The following NKAIN2 variants were observed in gnomAD, a reference collection of about 807,000 sequenced individuals.
NKAIN2 encodes the protein sodium/potassium transporting ATPase interacting 2.
Under a neutral mutation model 32.6 loss-of-function variants are expected in NKAIN2, and 14 were observed. That is an observed-to-expected ratio of 0.43 (90% CI 0.28 to 0.67). NKAIN2 has a LOEUF of 0.67. Among genes scored for constraint, NKAIN2 ranks in the 30% least tolerant of loss-of-function variants. The probability of loss-of-function intolerance (pLI) is 0.17; values close to 1 mark genes in which losing one functional copy is unlikely to be tolerated. For missense variants in NKAIN2, 198 were observed against 258.3 expected (o/e 0.77, Z 1.60); for synonymous variants, 80 against 87.2 (o/e 0.92, Z 0.46).
chr6:124,591,279 C>A (rs1414672487), intron 3 of NKAIN2, among the ~76,000 whole-genome samples: 1 of 152,128 alleles, frequency 6.6e-6, no homozygotes, highest in African/African-American at 2.4e-5. Flanking sequence ...ACAAGAAATT[C>A]TTGGGAGAAA....
At chr6:124,335,648 T>C (rs2115064095) in intron 2 of NKAIN2, among the ~76,000 whole-genome samples, 1 of 152,314 alleles carries the variant, frequency 6.6e-6, no homozygotes, top group South Asian at 2.1e-4. Flanking sequence ...TAGTAAATGA[T>C]AATTATATAA....
chr6:124,399,061 G>A (rs1362016107), intron 3 of NKAIN2, among the ~76,000 whole-genome samples: 3 of 151,834 alleles, frequency 2.0e-5, no homozygotes, highest in Admixed American at 2.0e-4. Flanking sequence ...TGAGTAGCTG[G>A]GATTACAGGC....
chr6:124,671,306 C>T (rs960692401), intron 4 of NKAIN2, among the ~76,000 whole-genome samples: 1 of 152,096 alleles, frequency 6.6e-6, no homozygotes, highest in African/African-American at 2.4e-5. Context: ...GAGGTTATAA[C>T]GTTAACTGAG....
At chr6:123,955,062 T>A (rs1018825848) in intron 1 of NKAIN2, among the ~76,000 whole-genome samples, 1 of 151,712 alleles carries the variant, frequency 6.6e-6, no homozygotes, top group East Asian at 1.9e-4. Context: ...GAGAGATAAC[T>A]AGATAGAGGT....
chr6:124,801,916 C>T (rs111772363), intron 5 of NKAIN2, among the ~76,000 whole-genome samples: 7,684 of 152,140 alleles, frequency 0.051, 232 homozygotes, highest in South Asian at 0.1. Flanking sequence ...AAAGGTACAC[C>T]GTAAGTCACA....
chr6:124,321,677 T>C (rs1797198256), intron 2 of NKAIN2, among the ~76,000 whole-genome samples: 2 of 152,250 alleles, frequency 1.3e-5, no homozygotes, highest in Middle Eastern at 3.4e-3. Flanking sequence ...CATATTGCTT[T>C]CATACTATAA....
intron 1 of NKAIN2, among the ~76,000 whole-genome samples, chr6:123,894,849 T>C (rs1038158522): frequency 2.0e-5 from 3 of 152,034 alleles, no homozygotes; most frequent in African/African-American, 7.2e-5. Flanking sequence ...CTCAGCACAC[T>C]ACACAAGGGG....
chr6:124,434,214 C>T (rs1775341758), intron 3 of NKAIN2, among the ~76,000 whole-genome samples: 1 of 152,158 alleles, frequency 6.6e-6, no homozygotes. Context: ...AAAAACATAA[C>T]TGTAAATTCT....
chr6:124,804,685 C>T (rs376815577), intron 5 of NKAIN2, among the ~76,000 whole-genome samples: 7 of 152,312 alleles, frequency 4.6e-5, no homozygotes, highest in South Asian at 2.1e-4. Flanking sequence ...CGAAGCAGGG[C>T]GAGGCATTGC....
intron 3 of NKAIN2, among the ~76,000 whole-genome samples, chr6:124,447,153 GT>G (rs1168562139): frequency 2.6e-5 from 4 of 152,044 alleles, no homozygotes; most frequent in African/African-American, 7.2e-5. Context: ...AATCACTCAT[GT>G]TTGACGTATT....
intron 3 of NKAIN2, among the ~76,000 whole-genome samples, chr6:124,487,594 T>C (rs182937799): frequency 2.6e-5 from 4 of 152,284 alleles, no homozygotes; most frequent in Admixed American, 2.0e-4. Flanking sequence ...CACTCACAGC[T>C]GTAATTGTTA....
intron 1 of NKAIN2, among the ~76,000 whole-genome samples, chr6:123,953,099 G>T (rs541495202): frequency 1.3e-5 from 2 of 152,234 alleles, no homozygotes; most frequent in South Asian, 4.2e-4. Flanking sequence ...TTGATTCTGG[G>T]TGCATGCAGT....
chr6:124,203,100 G>A (rs531453575), intron 1 of NKAIN2, among the ~76,000 whole-genome samples: 39 of 151,854 alleles, frequency 2.6e-4, no homozygotes, highest in Non-Finnish European at 4.6e-4. Flanking sequence ...TGCTCAATCT[G>A]TCTGTTTTGT....
At chr6:124,191,391 ATTAAT>A (rs1214993870) in intron 1 of NKAIN2, among the ~76,000 whole-genome samples, 3 of 151,922 alleles carry the variant, frequency 2.0e-5, no homozygotes, top group Admixed American at 6.5e-5. Flanking sequence ...AATATTATTT[ATTAAT>A]TTAATTTAAA....
chr6:124,730,836 T>C (rs2114662547), intron 4 of NKAIN2, among the ~76,000 whole-genome samples: 1 of 150,042 alleles, frequency 6.7e-6, no homozygotes, highest in South Asian at 2.1e-4. Context: ...ATATCCAGAA[T>C]CTACAATGGA....
At chr6:124,075,795 C>T (rs1242344407) in intron 1 of NKAIN2, among the ~76,000 whole-genome samples, 1 of 152,096 alleles carries the variant, frequency 6.6e-6, no homozygotes, top group East Asian at 1.9e-4. Flanking sequence ...CAAGTTTCCC[C>T]ATGTTGGCCA....
intron 1 of NKAIN2, among the ~76,000 whole-genome samples, chr6:124,067,244 T>G (rs1396277490): frequency 2.0e-5 from 3 of 152,156 alleles, no homozygotes; most frequent in African/African-American, 7.2e-5. Context: ...AACATTATGT[T>G]TGAATCACAT....
intron 1 of NKAIN2, among the ~76,000 whole-genome samples, chr6:123,940,367 T>C (rs1776759086): frequency 6.7e-6 from 1 of 148,798 alleles, no homozygotes; most frequent in Non-Finnish European, 1.5e-5. Context: ...TATGTGTGTA[T>C]ATGTATATAT....
At chr6:123,819,962 G>A (rs1353146640) in intron 1 of NKAIN2, among the ~76,000 whole-genome samples, 1 of 152,052 alleles carries the variant, frequency 6.6e-6, no homozygotes, top group East Asian at 1.9e-4. Flanking sequence ...TATTTTAGAT[G>A]GTAACCTGAC....
Sources: gnomAD v4.1 joint callset for allele counts (sites outside exome capture counted in the v4.1 genomes callset) on GRCh38, gnomAD v4.1.1 for gene constraint, MANE v1.5 for transcripts, NCBI Gene and HGNC (gene_info 2026-07-23, HGNC 2026-07-21) for gene names.